The following NAA60 variants were observed in gnomAD, a reference collection of about 807,000 sequenced individuals.
The protein encoded by NAA60 is N-alpha-acetyltransferase 60, NatF catalytic subunit.
A neutral mutation model predicts 26.1 loss-of-function variants in NAA60; 8 were observed. That is an observed-to-expected ratio of 0.31 (90% confidence interval 0.18 to 0.55). The LOEUF is 0.55. NAA60 is among the 20% of genes least tolerant of loss of function. The pLI, the probability that NAA60 is intolerant of heterozygous loss-of-function variation, is 0.93. For missense variants in NAA60, 290 were observed against 311.3 expected, an observed-to-expected ratio of 0.93 and a Z score of 0.51; for synonymous variants, 131 against 122.5, an observed-to-expected ratio of 1.07 and a Z score of -0.46.
chr16:3,445,950 G>T (rs2034533215), intron 1 of NAA60, among the ~76,000 whole-genome samples: 1 of 152,130 alleles, frequency 6.6e-6, no homozygotes, highest in South Asian at 2.1e-4. Flanking sequence ...TGAAAAATTA[G>T]ACCACATTAT....
chr16:3,484,956 G>GCCAT lies in NAA60; in HGVS notation c.*103_*106dup. On this transcript the variant is annotated 3_prime_UTR_variant, in exon 7 of 8. Coordinates refer to ENST00000407558, the MANE Select transcript of NAA60 (RefSeq NM_001083601.3). ...TTCTGTTTTCTGCAAGGAGCTGCCA[G>GCCAT]CCATCTAACTGGGCTCGTCGGCCTG... 6.5e-7 allele frequency: 1 copy of GCCAT among 1,534,914 alleles called. No individual in the cohort carries two copies. The highest frequency in any genetic ancestry group is 8.8e-7 in the Non-Finnish European group (1 of 1,142,746).
intron 2 of NAA60, among the ~76,000 whole-genome samples, chr16:3,469,970 C>T (rs2036021797): frequency 6.6e-6 from 1 of 152,228 alleles, no homozygotes; most frequent in African/African-American, 2.4e-5. Flanking sequence ...AGGTCGCCAC[C>T]AGATGCTCCT....
chr16:3,463,006 G>A (rs1488677116), intron 2 of NAA60, among the ~76,000 whole-genome samples: 1 of 152,054 alleles, frequency 6.6e-6, no homozygotes, highest in Non-Finnish European at 1.5e-5. Context: ...TAGGAATACA[G>A]GCTGCTTGGC....
chr16:3,457,716 G>A (rs892272807), intron 2 of NAA60, among the ~76,000 whole-genome samples: 1 of 152,224 alleles, frequency 6.6e-6, no homozygotes, highest in Non-Finnish European at 1.5e-5. Flanking sequence ...CTGTGCGGGG[G>A]GGCCACTCGG....
intron 2 of NAA60, among the ~76,000 whole-genome samples, chr16:3,468,750 G>T (rs575056501): frequency 9.5e-4 from 145 of 152,316 alleles, no homozygotes; most frequent in African/African-American, 3.2e-3. Context: ...CCCCAGGCTC[G>T]AGCCTTTGAA....
At chr16:3,467,633 A>G (rs2035850504) in intron 2 of NAA60, 1 of 152,140 alleles carries the variant, frequency 6.6e-6, no homozygotes, top group Non-Finnish European at 1.5e-5. Flanking sequence ...GGTGTCAGGA[A>G]ACCCTTCTGG....
chr16:3,444,589 G>A (rs745311526), intron 1 of NAA60, among the ~76,000 whole-genome samples: 4 of 152,100 alleles, frequency 2.6e-5, no homozygotes, highest in Non-Finnish European at 5.9e-5. Flanking sequence ...ACAATATTAG[G>A]AGATTTGACA....
At chr16:3,457,099 G>C (rs2035032308) in intron 2 of NAA60, among the ~76,000 whole-genome samples, 1 of 152,074 alleles carries the variant, frequency 6.6e-6, no homozygotes, top group African/African-American at 2.4e-5. Flanking sequence ...GCCAAGACTC[G>C]AATCTTATAA....
rs757965559 is a variant in NAA60, at chr16:3,485,731, C to T, written c.*471C>T. Reference sequence around the variant, plus strand: ...GCACAGGAGCCTCGGAACAAGGGGGCGCAATAAAGGGAATGGCCCGTCCCC... The same window carrying T: ...GCACAGGAGCCTCGGAACAAGGGGGTGCAATAAAGGGAATGGCCCGTCCCC... On this transcript the variant is annotated 3_prime_UTR_variant, in exon 8 of 8. Coordinates refer to ENST00000407558, the MANE Select transcript of NAA60 (RefSeq NM_001083601.3). 12 of 454,992 alleles carry T rather than the reference C, an allele frequency of 2.6e-5. No individual in the cohort carries two copies. The highest frequency in any genetic ancestry group is 3.5e-5 in the Non-Finnish European group (8 of 226,144). 28.2% of individuals were successfully genotyped at this position (454,992 alleles called of 1,614,324 possible). A position where few individuals can be genotyped will look rare whatever the true frequency, so the allele number is the denominator to read the frequency against.
chr16:3,447,552 C>G, intron 1 of NAA60: 3 of 985,370 alleles, frequency 3.0e-6, no homozygotes, highest in Non-Finnish European at 3.6e-6. Flanking sequence ...TTTACCGTAT[C>G]CTTCATGGGA....
Position 3,484,870 on chromosome 16 carries a change from C to G in NAA60, c.*15C>G. 6.4e-7 allele frequency: 1 copy of G among 1,553,288 alleles called. No individual in the cohort carries two copies. Among genetic ancestry groups the G allele is most frequent in the African/African-American group, 1.4e-5 (1 of 73,266 alleles). Reference sequence around the variant, plus strand: ...GGACCATGTGATGTCGGCTGGGCAGCCGCCACCAGGCCCCACCCTTCGGCC... The same window carrying G: ...GGACCATGTGATGTCGGCTGGGCAGGCGCCACCAGGCCCCACCCTTCGGCC... On this transcript the variant is annotated 3_prime_UTR_variant, in exon 7 of 8. Coordinates refer to ENST00000407558, the MANE Select transcript of NAA60 (RefSeq NM_001083601.3).
chr16:3,457,095 A>G (rs1225835622), intron 2 of NAA60, among the ~76,000 whole-genome samples: 1 of 152,100 alleles, frequency 6.6e-6, no homozygotes, highest in Non-Finnish European at 1.5e-5. Flanking sequence ...CCCAGCCAAG[A>G]CTCGAATCTT....
chr16:3,476,150 G>T lies in NAA60; in HGVS notation c.-6-72G>T, dbSNP rs115883624. On this transcript the variant is annotated intron_variant, in intron 2 of 7. Coordinates refer to ENST00000407558, the MANE Select transcript of NAA60 (RefSeq NM_001083601.3). ...GACATGCTCCGTGCTCTTCTGTCTC[G>T]CCTGCCTCACAAGCTGAGCATGAGG... 1.3e-3 allele frequency: 1,564 copies of T among 1,198,186 alleles called. 23 individuals carry two copies. In the African/African-American group the frequency reaches 0.02, roughly 16 times the overall value. 74.2% of individuals were successfully genotyped at this position (1,198,186 alleles called of 1,614,324 possible).
At chr16:3,481,884 G>A (rs571412470) in intron 4 of NAA60, among the ~76,000 whole-genome samples, 5 of 152,116 alleles carry the variant, frequency 3.3e-5, no homozygotes, top group Admixed American at 6.5e-5. Flanking sequence ...TGTTCTTTAC[G>A]AGTTGGAAGA....
chr16:3,478,692 C>T (rs888818768), intron 3 of NAA60, among the ~76,000 whole-genome samples: 4 of 152,190 alleles, frequency 2.6e-5, no homozygotes, highest in East Asian at 3.9e-4. Context: ...CCCTTAAGGG[C>T]GGGTTCCTCC....
chr16:3,458,045 G>A, intron 2 of NAA60: 1 of 985,252 alleles, frequency 1.0e-6, no homozygotes, highest in Non-Finnish European at 1.2e-6. Context: ...GCGGGCTGCC[G>A]CCTCCGTCCC....
intron 2 of NAA60, among the ~76,000 whole-genome samples, chr16:3,457,825 C>T (rs974216257): frequency 6.6e-6 from 1 of 152,146 alleles, no homozygotes; most frequent in African/African-American, 2.4e-5. Context: ...TCGGCGACCT[C>T]CCGGAGCGAG....
At chr16:3,476,685 A>G (rs2151005137) in intron 3 of NAA60, among the ~76,000 whole-genome samples, 1 of 152,332 alleles carries the variant, frequency 6.6e-6, no homozygotes, top group South Asian at 2.1e-4. Context: ...GAGTATGTGC[A>G]TATAAAAGTG....
intron 1 of NAA60, among the ~76,000 whole-genome samples, chr16:3,445,274 CTCTTTTTTTTT>C (rs1428624376): frequency 8.0e-6 from 1 of 125,532 alleles, no homozygotes; most frequent in Non-Finnish European, 1.6e-5. Context: ...TTGTGCTTAT[CTCTTTTTTTTT>C]TTTTTTTTTG....
Sources: gnomAD v4.1 joint callset for allele counts (sites outside exome capture counted in the v4.1 genomes callset) on GRCh38, gnomAD v4.1.1 for gene constraint, MANE v1.5 for transcripts, NCBI Gene and HGNC (gene_info 2026-07-23, HGNC 2026-07-21) for gene names.